Variants in SOX5 observed in about 807,000 individuals in gnomAD.
SOX5 encodes the protein transcription factor SOX-5.
A neutral mutation model predicts 92.0 loss-of-function variants in SOX5; 9 were observed. That is an observed-to-expected ratio of 0.10 (90% CI 0.06 to 0.17). The LOEUF (loss-of-function observed/expected upper bound fraction) is 0.17, where lower values mean the gene tolerates loss of function less well. Among genes scored for constraint, SOX5 ranks in the 10% least tolerant of loss-of-function variants. The pLI, the probability that SOX5 is intolerant of heterozygous loss-of-function variation, is 1.00. For missense variants in SOX5, 642 were observed against 944.5 expected (o/e 0.68, Z 4.20); for synonymous variants, 344 against 336.3 (o/e 1.02, Z -0.25).
chr12:24,306,719 C>T (rs1948612657), intron 2 of SOX5, among the ~76,000 whole-genome samples: 1 of 152,084 alleles, frequency 6.6e-6, no homozygotes, highest in Non-Finnish European at 1.5e-5. Flanking sequence ...GAGAAAGGGG[C>T]AAAAACATCC....
chr12:24,155,362 T>C (rs944195838), intron 4 of SOX5, among the ~76,000 whole-genome samples: 1 of 152,136 alleles, frequency 6.6e-6, no homozygotes, highest in Admixed American at 6.6e-5. Context: ...TCAAACTATT[T>C]TGAGTATTTT....
intron 1 of SOX5, among the ~76,000 whole-genome samples, chr12:24,429,327 CAAAACAAA>C (rs922023925): frequency 3.5e-4 from 52 of 150,284 alleles, no homozygotes; most frequent in African/African-American, 1.2e-3. Flanking sequence ...AAAAACAAAA[CAAAACAAA>C]AAAACAAAAA....
At chr12:23,582,701 C>T (rs1950214423) in intron 9 of SOX5, among the ~76,000 whole-genome samples, 1 of 152,068 alleles carries the variant, frequency 6.6e-6, no homozygotes, top group South Asian at 2.1e-4. Context: ...AAATGTAAGT[C>T]TTATTTAGCT....
At chr12:24,530,595 A>G (rs559803119) in intron 1 of SOX5, among the ~76,000 whole-genome samples, 23 of 151,850 alleles carry the variant, frequency 1.5e-4, no homozygotes, top group African/African-American at 5.6e-4. Flanking sequence ...GGAGGTTGCA[A>G]TGAGCCAAGA....
At chr12:23,948,265 G>A (rs565212410) in intron 1 of SOX5, among the ~76,000 whole-genome samples, 16 of 150,502 alleles carry the variant, frequency 1.1e-4, no homozygotes, top group Non-Finnish European at 1.5e-4. Context: ...TGACAGCACC[G>A]AAGTATATGT....
intron 8 of SOX5, chr12:23,638,149 T>A (rs1366371422): frequency 6.6e-6 from 1 of 152,034 alleles, no homozygotes; most frequent in African/African-American, 2.4e-5. Context: ...AGCTGTTCAA[T>A]ACACAAGAAA....
At chr12:24,117,389 A>C (rs903578126) in intron 4 of SOX5, among the ~76,000 whole-genome samples, 2 of 152,192 alleles carry the variant, frequency 1.3e-5, no homozygotes, top group Admixed American at 1.3e-4. Flanking sequence ...GCAATTTTGG[A>C]GAACAGTATG....
chr12:23,991,038 A>G (rs902133535), intron 4 of SOX5, among the ~76,000 whole-genome samples: 1 of 141,274 alleles, frequency 7.1e-6, no homozygotes, highest in South Asian at 2.3e-4. Context: ...TGAGCTTCGT[A>G]ATACTGAAAA....
chr12:23,552,257 T>C (rs1447607444), intron 11 of SOX5, among the ~76,000 whole-genome samples: 1 of 151,890 alleles, frequency 6.6e-6, no homozygotes, highest in Non-Finnish European at 1.5e-5. Context: ...CTATAAAGAT[T>C]AGTTCAGAGC....
intron 8 of SOX5, chr12:23,632,242 T>C (rs557395006): frequency 1.3e-5 from 2 of 152,242 alleles, no homozygotes; most frequent in Admixed American, 6.6e-5. Flanking sequence ...ATTCAGTCTT[T>C]TAACCTGCAA....
intron 2 of SOX5, among the ~76,000 whole-genome samples, chr12:24,325,783 C>A (rs1037207778): frequency 1.3e-5 from 2 of 152,122 alleles, no homozygotes; most frequent in African/African-American, 4.8e-5. Context: ...GATGGATAAC[C>A]ATTTCCCAAC....
At chr12:24,538,519 C>T (rs2018949385) in intron 1 of SOX5, among the ~76,000 whole-genome samples, 1 of 151,184 alleles carries the variant, frequency 6.6e-6, no homozygotes, top group Non-Finnish European at 1.5e-5. Flanking sequence ...ACACTTTGTC[C>T]CAGGGTTTCA....
chr12:23,938,383 A>T (rs1255661541), intron 1 of SOX5, among the ~76,000 whole-genome samples: 1 of 150,990 alleles, frequency 6.6e-6, no homozygotes, highest in Non-Finnish European at 1.5e-5. Flanking sequence ...GAAAATCTAT[A>T]ATGTGCTAGA....
intron 4 of SOX5, among the ~76,000 whole-genome samples, chr12:24,190,255 G>A (rs1956393493): frequency 6.6e-6 from 1 of 152,010 alleles, no homozygotes; most frequent in African/African-American, 2.4e-5. Context: ...AGAGAAAGAA[G>A]ACCCTGTGTC....
intron 1 of SOX5, among the ~76,000 whole-genome samples, chr12:23,897,752 C>T (rs1465847550): frequency 2.0e-5 from 3 of 151,982 alleles, no homozygotes; most frequent in South Asian, 4.2e-4. Flanking sequence ...AACAGTAAAC[C>T]GATCAGATGT....
chr12:24,116,103 C>A (rs1947962535), intron 4 of SOX5, among the ~76,000 whole-genome samples: 3 of 152,080 alleles, frequency 2.0e-5, no homozygotes, highest in Non-Finnish European at 4.4e-5. Context: ...GGGAAAAGAG[C>A]TGATAAAACG....
At chr12:23,564,831 C>G (rs184538957) in intron 10 of SOX5, among the ~76,000 whole-genome samples, 4 of 152,174 alleles carry the variant, frequency 2.6e-5, no homozygotes, top group African/African-American at 9.7e-5. Context: ...CTAGACTCTT[C>G]TATCTGATCT....
chr12:24,329,119 A>G (rs1321111942), intron 2 of SOX5, among the ~76,000 whole-genome samples: 1 of 152,222 alleles, frequency 6.6e-6, no homozygotes, highest in African/African-American at 2.4e-5. Flanking sequence ...TTTATATTGT[A>G]AATAATGTTA....
intron 4 of SOX5, among the ~76,000 whole-genome samples, chr12:24,115,028 A>G (rs576327033): frequency 1.5e-4 from 23 of 152,366 alleles, no homozygotes; most frequent in African/African-American, 4.8e-4. Flanking sequence ...AGTTTTATAA[A>G]TTTCAAAGAT....
Sources: allele counts gnomAD v4.1 joint callset (sites outside exome capture counted in the v4.1 genomes callset), GRCh38; gene constraint gnomAD v4.1.1; transcripts MANE v1.5; gene names NCBI Gene and HGNC (gene_info 2026-07-23, HGNC 2026-07-21).